URM1: variants seen among roughly 807,000 people sequenced by gnomAD.
The protein encoded by URM1 is ubiquitin-related modifier 1.
Under a neutral mutation model 17.7 loss-of-function variants are expected in URM1, and 11 were observed. The ratio of observed to expected loss-of-function variants is 0.62; its 90% confidence interval spans 0.39 to 1.03. The LOEUF (loss-of-function observed/expected upper bound fraction) is 1.03. Among genes scored for constraint, URM1 ranks in the 50% least tolerant of loss-of-function variants. The pLI is 0.00. For missense variants in URM1, 128 were observed against 129.2 expected (o/e 0.99, Z 0.04); for synonymous variants, 48 against 50.6 (o/e 0.95, Z 0.22).
chr9:128,374,485 CGAG>C (rs1833052351), intron 1 of URM1, among the ~76,000 whole-genome samples: 1 of 144,002 alleles, frequency 6.9e-6, no homozygotes, highest in Admixed American at 7.4e-5. Flanking sequence ...CAGGAGAAAA[CGAG>C]GCTCTTGGAA....
rs1439687904 is a variant in URM1, at chr9:128,387,554, A to G, written c.107-262A>G. On this transcript the variant is annotated intron_variant, in intron 2 of 4. Transcript: ENST00000372853. This position sits in a 1 kb window ranked among gnomAD's most constrained non-coding sequence, Gnocchi z 4.3. ...GCCGTCTGCCTTGAATCCCCCCACT[A>G]TAGGTAAATCCCATTGCCTCTTCTC... Among the ~76,000 whole-genome samples, 1 of 152,066 alleles carries G rather than the reference A, an allele frequency of 6.6e-6. No homozygotes were observed. The highest frequency in any genetic ancestry group is 1.5e-5 in the Non-Finnish European group (1 of 68,014).
At chr9:128,384,628 A>G (rs1343070783) in intron 2 of URM1, among the ~76,000 whole-genome samples, 1 of 152,038 alleles carries the variant, frequency 6.6e-6, no homozygotes, top group African/African-American at 2.4e-5. Context: ...GCGTGCAGAA[A>G]CCCAGAGAGC....
chr9:128,385,616 TTCC>T (rs1833216234), intron 2 of URM1, among the ~76,000 whole-genome samples: 1 of 152,142 alleles, frequency 6.6e-6, no homozygotes, highest in South Asian at 2.1e-4. Flanking sequence ...TGCTTAACCC[TTCC>T]TCCTCCCCTG....
At chr9:128,378,231 A>G (rs1256381441) in intron 2 of URM1, 125 bp downstream of exon 2, 6 of 676,824 alleles carry the variant, frequency 8.9e-6, no homozygotes, top group Non-Finnish European at 1.2e-5. Flanking sequence ...TCTAGCAGGC[A>G]GAGGAATAAA....
At position 128,391,134 on chromosome 9, in the gene URM1, G is replaced by A. The variant is rs1443863470; in HGVS notation, c.*1400G>A. The A allele has an allele frequency of 6.6e-6, 1 of 152,140 alleles. No individual in the cohort carries two copies. Among genetic ancestry groups the A allele is most frequent in the African/African-American group, 2.4e-5 (1 of 41,418 alleles). 9.4% of individuals were successfully genotyped at this position (152,140 alleles called of 1,614,324 possible). On this transcript the variant is annotated 3_prime_UTR_variant, in exon 5 of 5. Coordinates refer to ENST00000372853, the MANE Select transcript of URM1 (RefSeq NM_030914.4). ...GAGGGAGACCCCCAAAAAGAATTAG[G>A]GTGCTAACATCCCACCAAAAGCATC... is the stretch of plus-strand genomic sequence containing the variant.
intron 1 of URM1, among the ~76,000 whole-genome samples, chr9:128,373,029 A>G (rs1310027180): frequency 2.0e-5 from 3 of 152,180 alleles, no homozygotes; most frequent in Non-Finnish European, 4.4e-5. Context: ...TCAGTGGGGA[A>G]GTCATGTGAG....
chr9:128,371,496 G>T, intron 1 of URM1, 81 bp downstream of exon 1: 1 of 1,443,550 alleles, frequency 6.9e-7, no homozygotes. Flanking sequence ...CGTGGGGCCT[G>T]ACACGGCCGA....
chr9:128,377,574 GCAC>G (rs1833094341), intron 1 of URM1, among the ~76,000 whole-genome samples: 1 of 152,178 alleles, frequency 6.6e-6, no homozygotes, highest in Admixed American at 6.5e-5. Context: ...GGAGGCTGAG[GCAC>G]GAGAATCACT....
chr9:128,388,107 G>A (rs1435268459), intron 3 of URM1: 5 of 1,329,606 alleles, frequency 3.8e-6, no homozygotes, highest in Non-Finnish European at 4.8e-6. Context: ...GGAGCCTGGT[G>A]AATTTCTCAG....
rs1833100559 is a variant in URM1, at chr9:128,378,041, G to C, written c.41G>C (p.Gly14Ala). The C allele has an allele frequency of 1.9e-6, 3 of 1,611,886 alleles. No individual in the cohort carries two copies. The South Asian group carries it at 3.3e-5, about 18-fold the overall frequency. The change falls in exon 2 of 5, where the codon GGT (glycine) becomes GCT (alanine). Residue 14 changes from glycine to alanine, a missense_variant. Physicochemically the swap from Gly to Ala is moderately conservative, Grantham distance 60 (BLOSUM62 0). Coordinates refer to ENST00000372853, the MANE Select transcript of URM1 (RefSeq NM_030914.4). ...PLSVEVEFGG[G>A]AELLFDGIKK... ...TCTCTGGTCCTCCTTTGCAGAGGTG[G>C]TGCGGAGCTCCTGTTTGACGGTATT...
chr9:128,382,287 G>A (rs559088379), intron 2 of URM1, among the ~76,000 whole-genome samples: 1 of 152,218 alleles, frequency 6.6e-6, no homozygotes, highest in South Asian at 2.1e-4. Context: ...CACCAACAGA[G>A]CTGGTTAGCA....
At chr9:128,389,075 T>C in intron 3 of URM1, 186 bp from the exon 4 acceptor site, 2 of 1,404,702 alleles carry the variant, frequency 1.4e-6, no homozygotes, top group Non-Finnish European at 1.8e-6. Flanking sequence ...ACAAAGACCA[T>C]GCATGACTGA....
chr9:128,388,823 C>T, intron 3 of URM1: 1 of 992,556 alleles, frequency 1.0e-6, no homozygotes, highest in Non-Finnish European at 1.2e-6. Flanking sequence ...AGCCGAAGTT[C>T]TTTTCCAGGG....
chr9:128,380,920 G>C (rs951515209), intron 2 of URM1, among the ~76,000 whole-genome samples: 1 of 152,136 alleles, frequency 6.6e-6, no homozygotes, highest in South Asian at 2.1e-4. Flanking sequence ...CGCCTCCCGG[G>C]TTCACGCCAT....
chr9:128,376,993 AATAG>A lies in URM1; in HGVS notation c.36-1039_36-1036del, dbSNP rs369282374. On this transcript the variant is annotated intron_variant, in intron 1 of 4. Transcript: ENST00000372853. Reference sequence around the variant, plus strand: ...AAAGCAAGACCTTGTCTCAAAAATAAATAGATAATAATTTCCCGGGTGCCTAATG... The same window carrying A: ...AAAGCAAGACCTTGTCTCAAAAATAAATAATAATTTCCCGGGTGCCTAATG... Among the ~76,000 whole-genome samples the A allele has an allele frequency of 4.2e-4, 64 of 152,236 alleles. No individual in the cohort carries two copies. The East Asian group carries it at 6.6e-3, about 16-fold the overall frequency.
In URM1 at chr9:128,387,232, G is replaced by C. The variant is rs990585514; in HGVS notation, c.107-584G>C. Among the ~76,000 whole-genome samples, 3 of 152,254 alleles carry C rather than the reference G, an allele frequency of 2.0e-5. No homozygotes were observed. The highest frequency in any genetic ancestry group is 4.4e-5 in the Non-Finnish European group (3 of 68,048). ...AGCACAGGGTGGTGGCAGGGGAGTG[G>C]AGCAGGGATTTGTCAGCATCCCTAG... On this transcript the variant is annotated intron_variant, in intron 2 of 4. Coordinates refer to ENST00000372853, the MANE Select transcript of URM1 (RefSeq NM_030914.4). The surrounding 1 kb of genome is among the most constrained non-coding windows in gnomAD (Gnocchi z 4.3).
chr9:128,379,144 A>G (rs1833122662), intron 2 of URM1, among the ~76,000 whole-genome samples: 1 of 152,114 alleles, frequency 6.6e-6, no homozygotes, highest in Admixed American at 6.5e-5. Context: ...CATCAGTTAT[A>G]TTAAGAGACA....
At chr9:128,372,923 AAAG>A (rs967394357) in intron 1 of URM1, among the ~76,000 whole-genome samples, 13 of 152,136 alleles carry the variant, frequency 8.5e-5, no homozygotes, top group African/African-American at 1.7e-4. Context: ...AAAAAAAAAA[AAAG>A]AAGATTTATC....
At chr9:128,389,583 C>G in intron 4 of URM1, 83 bp from the exon 5 acceptor site, 1 of 1,593,522 alleles carries the variant, frequency 6.3e-7, no homozygotes, top group Non-Finnish European at 8.5e-7. Flanking sequence ...GCAGCCAGTC[C>G]TCAGCCCCTG....
Sources: gnomAD v4.1 joint callset for allele counts (sites outside exome capture counted in the v4.1 genomes callset) on GRCh38, gnomAD v4.1.1 for gene constraint, Gnocchi (gnomAD v3.1) non-coding constraint, MANE v1.5 for transcripts, NCBI Gene and HGNC (gene_info 2026-07-23, HGNC 2026-07-21) for gene names.